Variants in PIK3C2G observed in about 807,000 individuals in gnomAD.
PIK3C2G encodes the protein phosphatidylinositol 3-kinase C2 domain-containing subunit gamma.
PIK3C2G carries 168 observed loss-of-function variants against 181.1 expected under a neutral mutation model. The observed-to-expected ratio is 0.93, with a 90% CI of 0.82 to 1.05. The LOEUF (loss-of-function observed/expected upper bound fraction) is 1.05, where lower values mean the gene tolerates loss of function less well. Ranked by LOEUF, PIK3C2G falls within the 50% of genes least tolerant of loss-of-function variation. The probability of loss-of-function intolerance (pLI) is 0.00; values close to 1 mark genes in which losing one functional copy is unlikely to be tolerated. For missense variants in PIK3C2G, 1,869 were observed against 1,732.8 expected, an observed-to-expected ratio of 1.08 and a Z score of -1.40; for synonymous variants, 573 against 592.2, an observed-to-expected ratio of 0.97 and a Z score of 0.47.
intron 5 of PIK3C2G, among the ~76,000 whole-genome samples, chr12:18,303,904 T>C (rs1950314198): frequency 6.6e-6 from 1 of 152,076 alleles, no homozygotes; most frequent in Non-Finnish European, 1.5e-5. Flanking sequence ...AATTGACGGT[T>C]GTCAAGGAAT....
chr12:18,412,944 C>A (rs1454665093), intron 16 of PIK3C2G, among the ~76,000 whole-genome samples: 2 of 152,006 alleles, frequency 1.3e-5, no homozygotes, highest in African/African-American at 2.4e-5. Flanking sequence ...TGTGTTTTAC[C>A]CTACATTGTT....
intron 18 of PIK3C2G, among the ~76,000 whole-genome samples, chr12:18,474,285 C>A (rs565142243): frequency 6.6e-6 from 1 of 152,208 alleles, no homozygotes; most frequent in East Asian, 1.9e-4. Context: ...TCAGATATAG[C>A]CAACTCCTTA....
the PIK3C2G span, among the ~76,000 whole-genome samples, chr12:18,669,539 G>T: frequency 6.6e-6 from 1 of 152,108 alleles, no homozygotes; most frequent in Non-Finnish European, 1.5e-5. Flanking sequence ...CAGTTCTGGA[G>T]GCTGGAAAGT....
chr12:18,326,278 GCTT>G (rs1951342955), intron 8 of PIK3C2G, among the ~76,000 whole-genome samples: 1 of 152,128 alleles, frequency 6.6e-6, no homozygotes, highest in Non-Finnish European at 1.5e-5. Flanking sequence ...ATTTCTTACA[GCTT>G]CTTCTTCCAG....
At chr12:18,379,191 A>G (rs2137944709) in intron 13 of PIK3C2G, among the ~76,000 whole-genome samples, 1 of 152,240 alleles carries the variant, frequency 6.6e-6, no homozygotes, top group African/African-American at 2.4e-5. Flanking sequence ...GCCATAAAAA[A>G]GGATGAGTTC....
chr12:18,520,511 T>C (rs779722234), intron 24 of PIK3C2G, among the ~76,000 whole-genome samples: 1 of 152,190 alleles, frequency 6.6e-6, no homozygotes. Context: ...AACTAAGCTA[T>C]TGATACTTGT....
chr12:18,692,845 A>T, the PIK3C2G span: 8 of 1,591,888 alleles, frequency 5.0e-6, no homozygotes, highest in Non-Finnish European at 6.9e-6. Context: ...GACAAGAAAA[A>T]GAAATATGAA....
the PIK3C2G span, among the ~76,000 whole-genome samples, chr12:18,663,329 A>C: frequency 2.0e-5 from 3 of 152,286 alleles, no homozygotes; most frequent in South Asian, 6.2e-4. Context: ...GAAAACCATG[A>C]GTCCAGAAAA....
At chr12:18,406,167 T>C (rs149407923) in intron 16 of PIK3C2G, among the ~76,000 whole-genome samples, 1,732 of 152,276 alleles carry the variant, frequency 0.011, 12 homozygotes, top group Middle Eastern at 0.048. Flanking sequence ...ATACTTAGCA[T>C]AATGTCCTCC....
chr12:18,604,705 T>A (rs2136561267), intron 30 of PIK3C2G, among the ~76,000 whole-genome samples: 1 of 152,220 alleles, frequency 6.6e-6, no homozygotes, highest in Non-Finnish European at 1.5e-5. Flanking sequence ...TCTCTCAGAC[T>A]ACAATGGATT....
At position 18,325,104 on chromosome 12, in the gene PIK3C2G, G is replaced by T; in HGVS notation, c.1272+6G>T. 6.6e-7 allele frequency: 1 copy of T among 1,509,344 alleles called. No homozygotes were observed. The highest frequency in any genetic ancestry group is 9.2e-7 in the Non-Finnish European group (1 of 1,089,722). The allele number at this position is 1,509,344 out of a possible 1,614,324, so 93.5% of individuals were successfully genotyped here. The stretch of plus-strand genomic sequence containing the variant: ...AATACCTATTGAAAACCCAGGTATT[G>T]ACTTTTGTTACTTTATCCATCAATT... On this transcript the variant is annotated splice_donor_region_variant and intron_variant, in intron 8 of 32. Coordinates refer to ENST00000538779, the MANE Select transcript of PIK3C2G (RefSeq NM_001288772.2).
chr12:18,531,759 T>C (rs1943566912), intron 24 of PIK3C2G, among the ~76,000 whole-genome samples: 1 of 152,206 alleles, frequency 6.6e-6, no homozygotes, highest in South Asian at 2.1e-4. Flanking sequence ...GTATGTACCA[T>C]GTATTGTTTA....
chr12:18,724,691 T>A, the PIK3C2G span, among the ~76,000 whole-genome samples: 1 of 152,128 alleles, frequency 6.6e-6, no homozygotes, highest in Admixed American at 6.6e-5. Flanking sequence ...CTTACTGTTT[T>A]TAAATTCTGG....
chr12:18,682,743 C>T, the PIK3C2G span, among the ~76,000 whole-genome samples: 2 of 151,922 alleles, frequency 1.3e-5, no homozygotes, highest in African/African-American at 4.8e-5. Context: ...CAGTGCACAG[C>T]ATCTAAGAAC....
intron 18 of PIK3C2G, among the ~76,000 whole-genome samples, chr12:18,435,792 G>C (rs558884334): frequency 6.6e-6 from 1 of 151,930 alleles, no homozygotes; most frequent in African/African-American, 2.4e-5. Context: ...TGTCTATATA[G>C]AATCCTTTAG....
At chr12:18,279,755 A>G (rs756235313) in intron 1 of PIK3C2G, among the ~76,000 whole-genome samples, 1 of 152,032 alleles carries the variant, frequency 6.6e-6, no homozygotes, top group Non-Finnish European at 1.5e-5. Flanking sequence ...CAGGTAGATA[A>G]TGATATAGCT....
the PIK3C2G span, among the ~76,000 whole-genome samples, chr12:18,655,034 A>C: frequency 4.5e-5 from 6 of 132,716 alleles, no homozygotes; most frequent in Non-Finnish European, 8.0e-5. Flanking sequence ...AACAGTCTTA[A>C]AAGTATACAG....
In PIK3C2G at chr12:18,563,417, G is replaced by A. The variant is rs1945451458; in HGVS notation, c.3821G>A (p.Ser1274Asn). The A allele has an allele frequency of 5.0e-6, 8 of 1,613,344 alleles. No homozygotes were observed. In the African/African-American group the frequency reaches 6.7e-5, roughly 13 times the overall value. Residue 1274 changes from serine (S) to asparagine (N), a missense_variant, in exon 28 of 33, where the codon AGC becomes AAC. Coordinates refer to ENST00000538779, the MANE Select transcript of PIK3C2G (RefSeq NM_001288772.2). Reference sequence around the variant, plus strand: ...GTGACACACAGCAACAACGAAACAAGCCTGACAGAAAAATCATTTGAGCAG... The same window carrying A: ...GTGACACACAGCAACAACGAAACAAACCTGACAGAAAAATCATTTGAGCAG... Reference protein sequence around the residue: ...IQVTHSNNETSLTEKSFEQFS... With the variant: ...IQVTHSNNETNLTEKSFEQFS...
intron 18 of PIK3C2G, among the ~76,000 whole-genome samples, chr12:18,487,040 C>G (rs1940107611): frequency 6.7e-6 from 1 of 150,364 alleles, no homozygotes; most frequent in African/African-American, 2.5e-5. Flanking sequence ...TGAAAAGAAC[C>G]AAGTATCAAT....
Sources: gnomAD v4.1 joint callset for allele counts (sites outside exome capture counted in the v4.1 genomes callset) on GRCh38, gnomAD v4.1.1 for gene constraint, MANE v1.5 for transcripts, NCBI Gene and HGNC (gene_info 2026-07-23, HGNC 2026-07-21) for gene names.